Variants in TMPRSS13 observed in about 807,000 individuals in gnomAD.
The protein encoded by TMPRSS13 is transmembrane protease serine 13.
Under a neutral mutation model 68.4 loss-of-function variants are expected in TMPRSS13, and 50 were observed. The ratio of observed to expected loss-of-function variants is 0.73; its 90% CI spans 0.58 to 0.93. The LOEUF (loss-of-function observed/expected upper bound fraction) is 0.93, where lower values mean the gene tolerates loss of function less well. TMPRSS13 is among the 40% of genes least tolerant of loss of function. The pLI is 0.00. For synonymous variants in TMPRSS13, 267 were observed against 285.8 expected (o/e 0.93, Z 0.66); for missense variants, 615 against 729.2 (o/e 0.84, Z 1.80).
chr11:117,919,424 G>C (rs2057620841), intron 1 of TMPRSS13, among the ~76,000 whole-genome samples: 2 of 152,246 alleles, frequency 1.3e-5, no homozygotes, highest in Non-Finnish European at 2.9e-5. Flanking sequence ...AAAGAATGCT[G>C]GACAAAGGCC....
At chr11:117,902,519 A>G (rs1026717869) in intron 12 of TMPRSS13, among the ~76,000 whole-genome samples, 15 of 152,202 alleles carry the variant, frequency 9.9e-5, no homozygotes, top group African/African-American at 3.6e-4. Context: ...GGGCTGGCAG[A>G]GCACCCCCTG....
chr11:117,904,202 G>T, intron 10 of TMPRSS13, 101 bp from the exon 11 acceptor site: 1 of 1,454,770 alleles, frequency 6.9e-7, no homozygotes, highest in Non-Finnish European at 9.2e-7. Flanking sequence ...CAGAATCACA[G>T]CCTCCTGGGA....
intron 11 of TMPRSS13, 55 bp from the exon 12 acceptor site, chr11:117,903,862 A>G: frequency 6.3e-7 from 1 of 1,599,092 alleles, no homozygotes; most frequent in South Asian, 1.1e-5. Flanking sequence ...CATGAGCGGG[A>G]AAGGGTGGGG....
In TMPRSS13 at chr11:117,921,354, C is replaced by T. The variant is rs118018598; in HGVS notation, c.22-2516G>A. Among the ~76,000 whole-genome samples, 55 of 152,314 alleles carry T rather than the reference C, an allele frequency of 3.6e-4. No individual in the cohort carries two copies. The East Asian group carries it at 9.1e-3, about 25-fold the overall frequency. On this transcript the variant is annotated intron_variant, in intron 1 of 12. Coordinates refer to ENST00000524993, the MANE Select transcript of TMPRSS13 (RefSeq NM_001077263.3). ...CAGGAATTACTATCCCCAGTTTGTA[C>T]ACAAGGACCCGGGGCTCAGAGAGAC...
At chr11:117,909,504 C>A (rs191478262) in intron 8 of TMPRSS13, among the ~76,000 whole-genome samples, 1 of 152,242 alleles carries the variant, frequency 6.6e-6, no homozygotes, top group Non-Finnish European at 1.5e-5. Context: ...ACAAACCCAA[C>A]GCCTTTTTCA....
chr11:117,911,064 C>T (rs1169415245), intron 6 of TMPRSS13, among the ~76,000 whole-genome samples: 2 of 152,222 alleles, frequency 1.3e-5, no homozygotes, highest in Non-Finnish European at 2.9e-5. Context: ...AGCATCTTTT[C>T]ACAACTAAAC....
chr11:117,902,708 G>A (rs1349047788), intron 12 of TMPRSS13, among the ~76,000 whole-genome samples: 1 of 152,248 alleles, frequency 6.6e-6, no homozygotes, highest in Admixed American at 6.5e-5. Flanking sequence ...AGAGGAGAGT[G>A]GCACTGGGGC....
At position 117,903,770 on chromosome 11, in the gene TMPRSS13, T is replaced by C. The variant is rs1176992826; in HGVS notation, c.1562A>G (p.Asn521Ser). 1 of 1,612,104 alleles carries C rather than the reference T, an allele frequency of 6.2e-7. No homozygotes were observed. The highest frequency in any genetic ancestry group is 8.5e-7 in the Non-Finnish European group (1 of 1,179,220). ...GGTGACACCTGCCAGGTACCAGCGG[T>C]TGTTCTGCTCACAGACAAGAGGCCC... Reference protein sequence around the residue: ...SGGPLVCEQNNRWYLAGVTSW... With the variant: ...SGGPLVCEQNSRWYLAGVTSW... Residue 521 changes from asparagine (N) to serine (S), a missense_variant, in exon 12 of 13, where the codon AAC (asparagine) becomes AGC (serine). Asn to Ser is a conservative substitution (Grantham distance 46). Transcript: ENST00000524993.
In TMPRSS13 at chr11:117,901,930, C is replaced by A. The variant is rs1432701677; in HGVS notation, c.*309G>T. The A allele has an allele frequency of 2.3e-6, 1 of 428,836 alleles. No individual in the cohort carries two copies. The highest frequency in any genetic ancestry group is 4.3e-5 in the East Asian group (1 of 23,292). 26.6% of individuals were successfully genotyped at this position (428,836 alleles called of 1,614,324 possible). A position where few individuals can be genotyped will look rare whatever the true frequency, so the allele number is the denominator to read the frequency against. ...CCTTGGGCTCTGGGCTCCACCTCCT[C>A]CATCCATCTATGGACACTCCTGTAG... On this transcript the variant is annotated 3_prime_UTR_variant, in exon 13 of 13. Transcript: ENST00000524993.
At position 117,914,349 on chromosome 11, in the gene TMPRSS13, G is replaced by A. The variant is rs753100172; in HGVS notation, c.679+43C>T. ...TATACAAACAGGCACACAAACACAT[G>A]CACATGCACACGCACGCGCTCCCCC... On this transcript the variant is annotated intron_variant, in intron 4 of 12. Coordinates refer to ENST00000524993, the MANE Select transcript of TMPRSS13 (RefSeq NM_001077263.3). This position sits in a 1 kb window ranked among gnomAD's most constrained non-coding sequence, Gnocchi z 4.2. The A allele has an allele frequency of 6.2e-7, 1 of 1,607,768 alleles. No homozygotes were observed. Among genetic ancestry groups the A allele is most frequent in the East Asian group, 2.2e-5 (1 of 44,840 alleles).
chr11:117,902,312 G>A (rs117010140), intron 12 of TMPRSS13, 47 bp from the exon 13 acceptor site: 18,075 of 1,610,550 alleles, frequency 0.011, 111 homozygotes, highest in Non-Finnish European at 0.013. Context: ...CCAGGTGGGC[G>A]AGGAGCACAG....
In TMPRSS13 at chr11:117,918,730, C is replaced by G. The variant is rs761322256; in HGVS notation, c.130G>C (p.Ala44Pro). 1 of 1,606,764 alleles carries G rather than the reference C, an allele frequency of 6.2e-7. No individual in the cohort carries two copies. Among genetic ancestry groups the G allele is most frequent in the African/African-American group, 1.4e-5 (1 of 70,642 alleles). The part of the protein sequence containing the change: ...ASPAQASPAQ[A>P]SPAGTPPGRA... The stretch of plus-strand genomic sequence containing the variant: ...CCCGGAGGTGTCCCAGCTGGAGATG[C>G]CTGGGCTGGAGATGCCTGGGCTGGA... Residue 44 changes from alanine (A) to proline (P), a missense_variant, in exon 2 of 13, where the codon GCA (alanine) becomes CCA (proline). Transcript: ENST00000524993.
Position 117,901,306 on chromosome 11 carries a change from G to A in TMPRSS13, c.*933C>T, listed in dbSNP as rs55813570. ...AACAGTTTGTGGACCTCGTCGTGTC[G>A]GATTTGCTTGCCAGCCCAAACAAGG... On this transcript the variant is annotated 3_prime_UTR_variant, in exon 13 of 13. Coordinates refer to ENST00000524993, the MANE Select transcript of TMPRSS13 (RefSeq NM_001077263.3). 17,712 of 152,534 alleles carry A rather than the reference G, an allele frequency of 0.12. 1,341 individuals are homozygous for A. The highest frequency in any genetic ancestry group is 0.17 in the Non-Finnish European group (11,825 of 68,008). The allele number at this position is 152,534 out of a possible 1,614,324, so 9.4% of individuals were successfully genotyped here. A position where few individuals can be genotyped will look rare whatever the true frequency, so the allele number is the denominator to read the frequency against.
rs201062792 is a variant in TMPRSS13, at chr11:117,914,356, C to T, written c.679+36G>A. On this transcript the variant is annotated intron_variant, in intron 4 of 12. Coordinates refer to ENST00000524993, the MANE Select transcript of TMPRSS13 (RefSeq NM_001077263.3). This position sits in a 1 kb window ranked among gnomAD's most constrained non-coding sequence, Gnocchi z 4.2. ...ACAGGCACACAAACACATGCACATG[C>T]ACACGCACGCGCTCCCCCGCACCCA... 601 of 1,610,002 alleles carry T rather than the reference C, an allele frequency of 3.7e-4. No homozygotes were observed. Among genetic ancestry groups the T allele is most frequent in the Non-Finnish European group, 3.4e-4 (401 of 1,179,502 alleles).
intron 2 of TMPRSS13, among the ~76,000 whole-genome samples, chr11:117,917,738 A>G (rs2057592940): frequency 6.6e-6 from 1 of 152,140 alleles, no homozygotes; most frequent in Non-Finnish European, 1.5e-5. Context: ...AGGCTGTGGG[A>G]TGGGCCCCAA....
In TMPRSS13 at chr11:117,918,416, C is replaced by T. The variant is rs373015732; in HGVS notation, c.444G>A (p.Glu148=). 11 of 1,613,348 alleles carry T rather than the reference C, an allele frequency of 6.8e-6. No homozygotes were observed. In the African/African-American group the frequency reaches 1.5e-4, roughly 22 times the overall value. Residue 148 remains glutamate, a synonymous_variant, in exon 2 of 13, where the codon GAG becomes GAA. Transcript: ENST00000524993. ...CTACAGCATCCCCCTTACCTGGGCT[C>T]TCCCTGGTGGCCCTGGTTGCTGGTG... is the stretch of plus-strand genomic sequence containing the variant. ...RSAPATRATR[E]SPGTSLPKFT...
chr11:117,925,941 G>T (rs1399737250), intron 1 of TMPRSS13, among the ~76,000 whole-genome samples: 1 of 152,268 alleles, frequency 6.6e-6, no homozygotes, highest in Admixed American at 6.5e-5. Context: ...GCCAAAGGAA[G>T]TCTGCTCCTC....
At chr11:117,902,590 G>T (rs1378335210) in intron 12 of TMPRSS13, among the ~76,000 whole-genome samples, 4 of 152,226 alleles carry the variant, frequency 2.6e-5, no homozygotes, top group African/African-American at 7.2e-5. Flanking sequence ...CAGCAGAGTT[G>T]CAGGCAGATC....
chr11:117,908,542 GA>G, intron 9 of TMPRSS13, 69 bp downstream of exon 9: 1 of 1,514,640 alleles, frequency 6.6e-7, no homozygotes, highest in Non-Finnish European at 8.9e-7. Flanking sequence ...GACAGATGCT[GA>G]CAAGTGCGAG....
Sources: gnomAD v4.1 joint callset for allele counts (sites outside exome capture counted in the v4.1 genomes callset) on GRCh38, gnomAD v4.1.1 for gene constraint, Gnocchi (gnomAD v3.1) non-coding constraint, MANE v1.5 for transcripts, NCBI Gene and HGNC (gene_info 2026-07-23, HGNC 2026-07-21) for gene names.